The following NAA11 variants were observed in gnomAD, a reference collection of about 807,000 sequenced individuals.
NAA11 encodes N-alpha-acetyltransferase 11.
A neutral mutation model predicts 16.1 loss-of-function variants in NAA11; 15 were observed. The ratio of observed to expected loss-of-function variants is 0.93; its 90% CI spans 0.62 to 1.44. The LOEUF (loss-of-function observed/expected upper bound fraction) is 1.44, where lower values mean the gene tolerates loss of function less well. Among genes scored for constraint, NAA11 ranks in the 40% most tolerant of loss-of-function variants. NAA11 has a pLI of 0.00. For synonymous variants in NAA11, 122 were observed against 112.4 expected, an observed-to-expected ratio of 1.09 and a Z score of -0.54; for missense variants, 298 against 291.3, an observed-to-expected ratio of 1.02 and a Z score of -0.17.
intron 2 of NAA11, among the ~76,000 whole-genome samples, chr4:79,252,810 C>T (rs1722025618): frequency 6.6e-6 from 1 of 152,156 alleles, no homozygotes; most frequent in Non-Finnish European, 1.5e-5. Flanking sequence ...ACACAGGTCC[C>T]TGAGGGCCAC....
At chr4:79,224,792 A>C (rs980598011), downstream of NAA11, among the ~76,000 whole-genome samples, 1 of 152,124 alleles carries the variant, frequency 6.6e-6, no homozygotes, top group Non-Finnish European at 1.5e-5. Flanking sequence ...AACAGTGATC[A>C]ATCATGTTGC....
intron 2 of NAA11, among the ~76,000 whole-genome samples, chr4:79,238,416 A>G (rs1260464061): frequency 6.6e-6 from 1 of 152,236 alleles, no homozygotes; most frequent in Admixed American, 6.5e-5. Context: ...AAACTGTAGA[A>G]TAAGATTTTG....
chr4:79,184,944 C>A, the NAA11 span, among the ~76,000 whole-genome samples: 1 of 152,144 alleles, frequency 6.6e-6, no homozygotes, highest in Admixed American at 6.5e-5. Flanking sequence ...TTAACTACAT[C>A]TTTTTTCTTT....
At chr4:79,198,480 G>A in the NAA11 span, among the ~76,000 whole-genome samples, 2 of 151,860 alleles carry the variant, frequency 1.3e-5, no homozygotes, top group African/African-American at 4.8e-5. Context: ...ACTATATCAT[G>A]AGTGGTGCTT....
chr4:79,267,643 G>A (rs1239436865), intron 2 of NAA11, among the ~76,000 whole-genome samples: 1 of 152,132 alleles, frequency 6.6e-6, no homozygotes, highest in Non-Finnish European at 1.5e-5. Context: ...AAGCTTCAGT[G>A]AGAACTTCTG....
the NAA11 span, among the ~76,000 whole-genome samples, chr4:79,193,840 G>T: frequency 3.3e-5 from 5 of 152,102 alleles, no homozygotes; most frequent in African/African-American, 1.2e-4. Flanking sequence ...TCACGATATT[G>T]ATTCTTCCTA....
At chr4:79,286,608 G>A (rs749898729) in intron 2 of NAA11, among the ~76,000 whole-genome samples, 2 of 152,028 alleles carry the variant, frequency 1.3e-5, no homozygotes, top group African/African-American at 2.4e-5. Flanking sequence ...TAAAAATGCT[G>A]TGACTCGCTC....
chr4:79,312,376 C>T (rs1055574981), downstream of NAA11, among the ~76,000 whole-genome samples: 2 of 152,078 alleles, frequency 1.3e-5, no homozygotes, highest in East Asian at 1.9e-4. Flanking sequence ...CTTGGCCGGG[C>T]GCAGTGGCTC....
chr4:79,211,420 AC>A, the NAA11 span, among the ~76,000 whole-genome samples: 1 of 152,278 alleles, frequency 6.6e-6, no homozygotes, highest in Middle Eastern at 3.4e-3. Flanking sequence ...TGGAATATAT[AC>A]CGTGTATATA....
chr4:79,246,066 T>C (rs917292528), intron 2 of NAA11, among the ~76,000 whole-genome samples: 4 of 152,174 alleles, frequency 2.6e-5, no homozygotes, highest in African/African-American at 4.8e-5. Flanking sequence ...TGTTAATCTG[T>C]AACCTTACCC....
At chr4:79,322,172 G>A (rs148008225) in intron 1 of NAA11, among the ~76,000 whole-genome samples, 14 of 152,178 alleles carry the variant, frequency 9.2e-5, no homozygotes, top group African/African-American at 2.7e-4. Context: ...AGAGACCTCC[G>A]GTTGGAAAAG....
intron 2 of NAA11, among the ~76,000 whole-genome samples, chr4:79,229,379 G>T (rs1463764896): frequency 8.8e-6 from 1 of 113,854 alleles, no homozygotes; most frequent in Non-Finnish European, 2.0e-5. Flanking sequence ...ATATAAGTGG[G>T]ACTATTTCTG....
At chr4:79,276,463 C>G (rs1438657165) in intron 2 of NAA11, among the ~76,000 whole-genome samples, 1 of 152,166 alleles carries the variant, frequency 6.6e-6, no homozygotes, top group Non-Finnish European at 1.5e-5. Context: ...TGAGGGCCAT[C>G]CAGCTTCCAT....
the NAA11 span, among the ~76,000 whole-genome samples, chr4:79,200,760 T>C: frequency 6.6e-6 from 1 of 151,824 alleles, no homozygotes; most frequent in Non-Finnish European, 1.5e-5. Context: ...GACCCTACCA[T>C]GCTTTGCAAG....
At chr4:79,177,736 G>A in the NAA11 span, among the ~76,000 whole-genome samples, 1 of 152,108 alleles carries the variant, frequency 6.6e-6, no homozygotes, top group Non-Finnish European at 1.5e-5. Flanking sequence ...CTTACTGGCA[G>A]TAAATTGTTC....
the NAA11 span, among the ~76,000 whole-genome samples, chr4:79,188,743 G>A: frequency 6.6e-6 from 1 of 152,052 alleles, no homozygotes; most frequent in Admixed American, 6.6e-5. Context: ...ATAGTAGATT[G>A]AGAAATATTT....
intron 2 of NAA11, among the ~76,000 whole-genome samples, chr4:79,279,347 A>G (rs1344491511): frequency 1.3e-5 from 2 of 152,088 alleles, no homozygotes; most frequent in Non-Finnish European, 2.9e-5. Context: ...AAAATATGTA[A>G]CTTGCTTTAG....
At chr4:79,196,366 T>A in the NAA11 span, among the ~76,000 whole-genome samples, 1 of 152,022 alleles carries the variant, frequency 6.6e-6, no homozygotes. Flanking sequence ...TCTCCTGAAT[T>A]TTTGTTTTTA....
chr4:79,210,660 G>A, the NAA11 span, among the ~76,000 whole-genome samples: 464 of 152,216 alleles, frequency 3.0e-3, 5 homozygotes, highest in African/African-American at 0.01. Context: ...TATATGCACA[G>A]CATATGCTTC....
Sources: allele counts gnomAD v4.1 joint callset (sites outside exome capture counted in the v4.1 genomes callset), GRCh38; gene constraint gnomAD v4.1.1; transcripts MANE v1.5; gene names NCBI Gene and HGNC (gene_info 2026-07-23, HGNC 2026-07-21).